Variants in VTI1A observed in about 807,000 individuals in gnomAD.
VTI1A encodes the protein vesicle transport through interaction with t-SNAREs homolog 1A.
Under a neutral mutation model 34.9 loss-of-function variants are expected in VTI1A, and 22 were observed. The observed-to-expected ratio is 0.63, with a 90% confidence interval of 0.45 to 0.90. VTI1A has a LOEUF of 0.90. Ranked by LOEUF, VTI1A falls within the 40% of genes least tolerant of loss-of-function variation. VTI1A has a pLI of 0.00. For synonymous variants in VTI1A, 87 were observed against 97.3 expected, an observed-to-expected ratio of 0.89 and a Z score of 0.62; for missense variants, 268 against 275.6, an observed-to-expected ratio of 0.97 and a Z score of 0.20.
At chr10:112,828,045 A>G in the VTI1A span, among the ~76,000 whole-genome samples, 2 of 152,106 alleles carry the variant, frequency 1.3e-5, no homozygotes, top group Non-Finnish European at 2.9e-5. Flanking sequence ...AGTTTCCTCT[A>G]CTGTAAAGCA....
chr10:112,669,782 T>C (rs1847782539), intron 7 of VTI1A, among the ~76,000 whole-genome samples: 2 of 152,306 alleles, frequency 1.3e-5, no homozygotes, highest in South Asian at 4.1e-4. Context: ...TAGTTGATAC[T>C]ATAGAGACAA....
At chr10:112,456,541 T>C (rs1440554936) in intron 1 of VTI1A, among the ~76,000 whole-genome samples, 1 of 151,864 alleles carries the variant, frequency 6.6e-6, no homozygotes, top group African/African-American at 2.4e-5. Flanking sequence ...TCTCAGGACC[T>C]CGCCTAGAAG....
At chr10:112,633,909 G>A (rs1287567559) in intron 5 of VTI1A, among the ~76,000 whole-genome samples, 4 of 149,172 alleles carry the variant, frequency 2.7e-5, no homozygotes, top group African/African-American at 9.8e-5. Context: ...GTTAACAAAC[G>A]GAAAAAAGGA....
At chr10:112,778,560 T>C (rs900647655) in intron 7 of VTI1A, among the ~76,000 whole-genome samples, 2 of 152,210 alleles carry the variant, frequency 1.3e-5, no homozygotes, top group South Asian at 4.1e-4. Context: ...TCACTCTATT[T>C]TACTGAGAAA....
chr10:112,553,765 A>G (rs1183763910), intron 5 of VTI1A, among the ~76,000 whole-genome samples: 6 of 152,246 alleles, frequency 3.9e-5, no homozygotes, highest in Admixed American at 3.9e-4. Context: ...GAACAGTTGA[A>G]TGGTGCTACT....
intron 7 of VTI1A, among the ~76,000 whole-genome samples, chr10:112,781,901 G>A (rs368703081): frequency 2.0e-5 from 3 of 152,034 alleles, no homozygotes; most frequent in East Asian, 1.9e-4. Flanking sequence ...GTGGTCCGAG[G>A]CTCTTCCTGC....
Position 112,752,655 on chromosome 10 carries a change from A to G in VTI1A, c.561-62635A>G, listed in dbSNP as rs970320263. 33 of 823,758 alleles carry G rather than the reference A, an allele frequency of 4.0e-5. No individual in the cohort carries two copies. The African/African-American group carries it at 6.1e-4, about 15-fold the overall frequency. The allele number at this position is 823,758 out of a possible 1,614,324, so 51.0% of individuals were successfully genotyped here. A position where few individuals can be genotyped will look rare whatever the true frequency, so the allele number is the denominator to read the frequency against. ...CCCATTTGCTTTAGCTAGGTGAAGA[A>G]CAGCTTCTAGAATAGATGTTGCCTC... On this transcript the variant is annotated intron_variant, in intron 7 of 7. Transcript: ENST00000393077.
At chr10:112,744,836 A>C (rs1850836123) in intron 7 of VTI1A, among the ~76,000 whole-genome samples, 2 of 152,182 alleles carry the variant, frequency 1.3e-5, no homozygotes, top group Non-Finnish European at 2.9e-5. Context: ...TTGCAGATCC[A>C]GCACGTTCAG....
the VTI1A span, chr10:112,832,056 A>G: frequency 6.6e-6 from 1 of 152,194 alleles, no homozygotes. Context: ...GAGAAAAAGG[A>G]TAGCTCGGCT....
intron 7 of VTI1A, among the ~76,000 whole-genome samples, chr10:112,774,022 G>C (rs1851887450): frequency 6.6e-6 from 1 of 152,222 alleles, no homozygotes; most frequent in African/African-American, 2.4e-5. Context: ...AAGACAGCTA[G>C]GGGTCAGAGA....
At chr10:112,601,482 T>C (rs1269911713) in intron 5 of VTI1A, among the ~76,000 whole-genome samples, 3 of 152,016 alleles carry the variant, frequency 2.0e-5, no homozygotes, top group Non-Finnish European at 4.4e-5. Flanking sequence ...TGTAAATGTG[T>C]CTGGTCTAAT....
chr10:112,711,319 C>G (rs117542020), intron 7 of VTI1A, among the ~76,000 whole-genome samples: 17 of 152,270 alleles, frequency 1.1e-4, no homozygotes, highest in Non-Finnish European at 2.4e-4. Flanking sequence ...AGGACCAGAT[C>G]ATGGCTTTGC....
At chr10:112,547,997 G>A (rs1244681545) in intron 5 of VTI1A, among the ~76,000 whole-genome samples, 1 of 151,896 alleles carries the variant, frequency 6.6e-6, no homozygotes, top group Non-Finnish European at 1.5e-5. Flanking sequence ...GCTAAAATGT[G>A]CTTCATGTTT....
intron 5 of VTI1A, among the ~76,000 whole-genome samples, chr10:112,592,694 A>G (rs1564840308): frequency 1.3e-5 from 2 of 152,370 alleles, no homozygotes; most frequent in East Asian, 3.9e-4. Flanking sequence ...AATATATGTC[A>G]TCCTCAGAGA....
intron 7 of VTI1A, among the ~76,000 whole-genome samples, chr10:112,798,136 G>A (rs1852740872): frequency 1.3e-5 from 2 of 152,168 alleles, no homozygotes; most frequent in South Asian, 4.1e-4. Flanking sequence ...GGCTGGCGGT[G>A]TTAGGTCAGT....
intron 3 of VTI1A, among the ~76,000 whole-genome samples, chr10:112,511,245 G>GTT (rs765282385): frequency 7.9e-4 from 112 of 142,464 alleles, no homozygotes; most frequent in African/African-American, 2.3e-3. Flanking sequence ...TACATGTGAG[G>GTT]TTTTTTTTTT....
At chr10:112,510,639 AACCACCACCACC>A (rs764422048) in intron 3 of VTI1A, among the ~76,000 whole-genome samples, 1 of 151,832 alleles carries the variant, frequency 6.6e-6, no homozygotes, top group Admixed American at 6.6e-5. Context: ...GACTCAAAAA[AACCACCACCACC>A]ACCACCACCA....
intron 5 of VTI1A, among the ~76,000 whole-genome samples, chr10:112,551,267 A>C (rs1345171794): frequency 2.0e-5 from 3 of 151,482 alleles, no homozygotes; most frequent in African/African-American, 7.3e-5. Flanking sequence ...AAAAAAAAAA[A>C]AACCTTCACA....
chr10:112,522,026 G>A (rs1027479802), intron 3 of VTI1A, among the ~76,000 whole-genome samples: 3 of 152,036 alleles, frequency 2.0e-5, no homozygotes, highest in Non-Finnish European at 4.4e-5. Context: ...GGGCATTACA[G>A]AAGTATGATA....
Sources: gnomAD v4.1 joint callset for allele counts (sites outside exome capture counted in the v4.1 genomes callset) on GRCh38, gnomAD v4.1.1 for gene constraint, MANE v1.5 for transcripts, NCBI Gene and HGNC (gene_info 2026-07-23, HGNC 2026-07-21) for gene names.